The following SMAD2 variants were observed in gnomAD, a reference collection of about 807,000 sequenced individuals.
SMAD2 encodes MAD homolog 2.
Under a neutral mutation model 64.4 loss-of-function variants are expected in SMAD2, and 8 were observed. The observed-to-expected ratio is 0.12, with a 90% confidence interval of 0.07 to 0.22. The LOEUF is 0.22. Ranked by LOEUF, SMAD2 falls within the 10% of genes least tolerant of loss-of-function variation. SMAD2 has a pLI of 1.00. For missense variants in SMAD2, 289 were observed against 561.2 expected (o/e 0.51, Z 4.90); for synonymous variants, 203 against 195.8 (o/e 1.04, Z -0.31).
At chr18:47,922,255 T>C (rs1317155904) in intron 1 of SMAD2, among the ~76,000 whole-genome samples, 1 of 152,224 alleles carries the variant, frequency 6.6e-6, no homozygotes, top group African/African-American at 2.4e-5. Flanking sequence ...AAAAATACTT[T>C]AAATATGATG....
chr18:47,849,651 A>C (rs553080951), intron 7 of SMAD2, among the ~76,000 whole-genome samples: 1 of 152,276 alleles, frequency 6.6e-6, no homozygotes, highest in East Asian at 1.9e-4. Context: ...TACTTTAAAT[A>C]ATCTCTAGAT....
chr18:47,833,786 TG>T lies in SMAD2; in HGVS notation c.*8040del, dbSNP rs1444581000. 2 of 230,974 alleles carry T rather than the reference TG, an allele frequency of 8.7e-6. No homozygotes were observed. Among genetic ancestry groups the T allele is most frequent in the Non-Finnish European group, 1.7e-5 (2 of 116,534 alleles). The allele number at this position is 230,974 out of a possible 1,614,324, so 14.3% of individuals were successfully genotyped here. On this transcript the variant is annotated 3_prime_UTR_variant, in exon 11 of 11. Transcript: ENST00000262160. ...TTCTGGCTTCTCGAGCAGAACAGACTGGGAAATGCAGTAGACGCCAGAGCAT... is the reference window on the plus strand; with the variant it reads ...TTCTGGCTTCTCGAGCAGAACAGACTGGAAATGCAGTAGACGCCAGAGCAT...
chr18:47,859,458 A>T (rs1280375653), intron 6 of SMAD2, among the ~76,000 whole-genome samples: 1 of 152,200 alleles, frequency 6.6e-6, no homozygotes, highest in Non-Finnish European at 1.5e-5. Flanking sequence ...CAAGGACTAA[A>T]GTCACACACA....
intron 3 of SMAD2, among the ~76,000 whole-genome samples, chr18:47,869,918 GT>G (rs2031830122): frequency 1.3e-5 from 2 of 152,116 alleles, no homozygotes; most frequent in Admixed American, 6.6e-5. Context: ...AGTTGTGACT[GT>G]TTTGAGAACT....
chr18:47,879,109 C>T lies in SMAD2; in HGVS notation c.237-8545G>A, dbSNP rs770865088. 5.6e-4 allele frequency among the ~76,000 whole-genome samples: 85 copies of T among 152,170 alleles called. 1 individual carries two copies. Among genetic ancestry groups the T allele is most frequent in the Non-Finnish European group, 1.1e-3 (76 of 68,020 alleles). On this transcript the variant is annotated intron_variant, in intron 2 of 10. Coordinates refer to ENST00000262160, the MANE Select transcript of SMAD2 (RefSeq NM_005901.6). The stretch of plus-strand genomic sequence containing the variant: ...ACTCACTCCATCTTGAATGACAGAG[C>T]TAGACCCTGTCTCAGAGAGAAAAAT...
At chr18:47,886,729 A>G (rs879558221) in intron 2 of SMAD2, 7 of 154,180 alleles carry the variant, frequency 4.5e-5, no homozygotes, top group East Asian at 1.8e-4. Context: ...TCACAGTTTC[A>G]TAAGAGCACC....
chr18:47,829,592 A>G lies in SMAD2; in HGVS notation c.*12235T>C, dbSNP rs1225754728. On this transcript the variant is annotated 3_prime_UTR_variant, in exon 11 of 11. Coordinates refer to ENST00000262160, the MANE Select transcript of SMAD2 (RefSeq NM_005901.6). ...AGTAATCAATTAGGTATTCTAAAAG[A>G]AGGCAGTTTTCTAGGGGTTTATTTA... 2 of 146,494 alleles carry G rather than the reference A, an allele frequency of 1.4e-5. No individual in the cohort carries two copies. The highest frequency in any genetic ancestry group is 2.5e-5 in the African/African-American group (1 of 39,346). The allele number at this position is 146,494 out of a possible 1,614,324, so 9.1% of individuals were successfully genotyped here.
intron 1 of SMAD2, among the ~76,000 whole-genome samples, chr18:47,905,835 C>T (rs962912097): frequency 3.3e-5 from 5 of 152,030 alleles, no homozygotes; most frequent in Admixed American, 6.6e-5. Flanking sequence ...AGTTGAGCCA[C>T]GCATGGTGGC....
At position 47,825,148 on chromosome 18, in the gene SMAD2, G is replaced by A. The variant is rs1388727067; in HGVS notation, c.*16679C>T. 6.6e-6 allele frequency: 1 copy of A among 152,198 alleles called. No homozygotes were observed. Among genetic ancestry groups the A allele is most frequent in the African/African-American group, 2.4e-5 (1 of 41,436 alleles). The allele number at this position is 152,198 out of a possible 1,614,324, so 9.4% of individuals were successfully genotyped here. A position where few individuals can be genotyped will look rare whatever the true frequency, so the allele number is the denominator to read the frequency against. On this transcript the variant is annotated 3_prime_UTR_variant, in exon 11 of 11. Coordinates refer to ENST00000262160, the MANE Select transcript of SMAD2 (RefSeq NM_005901.6). ...GTTGTTGTGGGACCATTCAAGATGA[G>A]CGTGGGGAAGGGAAGCCCATTTAAA...
intron 1 of SMAD2, among the ~76,000 whole-genome samples, chr18:47,897,321 A>G (rs1158640152): frequency 6.6e-6 from 1 of 152,140 alleles, no homozygotes; most frequent in East Asian, 1.9e-4. Flanking sequence ...TAAACATGGC[A>G]AACAGAGTCC....
chr18:47,852,604 T>C (rs1245045946), intron 6 of SMAD2, among the ~76,000 whole-genome samples: 3 of 152,172 alleles, frequency 2.0e-5, no homozygotes, highest in Non-Finnish European at 4.4e-5. Context: ...CTTTAAAAGT[T>C]TGGTAGAATT....
At chr18:47,918,963 G>A (rs931052292) in intron 1 of SMAD2, among the ~76,000 whole-genome samples, 3 of 152,076 alleles carry the variant, frequency 2.0e-5, no homozygotes, top group Non-Finnish European at 4.4e-5. Context: ...TGAAAGATGG[G>A]AGTTTCTAGA....
chr18:47,929,907 TTA>T (rs1273254238), intron 1 of SMAD2, among the ~76,000 whole-genome samples: 1 of 151,874 alleles, frequency 6.6e-6, no homozygotes, highest in Non-Finnish European at 1.5e-5. Flanking sequence ...GATCACAGAG[TTA>T]TCAGCTGTGT....
At position 47,811,164 on chromosome 18, in the gene SMAD2, AG is replaced by A. The variant is rs1482414969; in HGVS notation, c.*30662del. ...AGATCTTATGGCCTGCCACACTGGA[AG>A]GCCTACTCTGATTTGAAAGAAGCTG... On this transcript the variant is annotated 3_prime_UTR_variant, in exon 11 of 11. Coordinates refer to ENST00000262160, the MANE Select transcript of SMAD2 (RefSeq NM_005901.6). 6.6e-6 allele frequency: 1 copy of A among 152,186 alleles called. No individual in the cohort carries two copies. Among genetic ancestry groups the A allele is most frequent in the African/African-American group, 2.4e-5 (1 of 41,424 alleles). The allele number at this position is 152,186 out of a possible 1,614,324, so 9.4% of individuals were successfully genotyped here.
At chr18:47,894,124 C>G (rs1327778671) in intron 2 of SMAD2, among the ~76,000 whole-genome samples, 1 of 152,202 alleles carries the variant, frequency 6.6e-6, no homozygotes, top group African/African-American at 2.4e-5. Flanking sequence ...AATTTTAGTA[C>G]TGCTGTACCT....
rs1192930373 is a variant in SMAD2 at position 47,817,710 on chromosome 18, T to G, written c.*24117A>C. 1.3e-5 allele frequency: 2 copies of G among 152,236 alleles called. No individual in the cohort carries two copies. Among genetic ancestry groups the G allele is most frequent in the African/African-American group, 4.8e-5 (2 of 41,462 alleles). 9.4% of individuals were successfully genotyped at this position (152,236 alleles called of 1,614,324 possible). A position where few individuals can be genotyped will look rare whatever the true frequency, so the allele number is the denominator to read the frequency against. ...ACTGGGTTAACACTTTTGGGAACAC[T>G]GATTTTGGTTTCGTTTCGATATGGT... On this transcript the variant is annotated 3_prime_UTR_variant, in exon 11 of 11. Transcript: ENST00000262160.
intron 2 of SMAD2, among the ~76,000 whole-genome samples, chr18:47,889,962 T>C (rs774677509): frequency 4.6e-5 from 7 of 152,174 alleles, no homozygotes; most frequent in Non-Finnish European, 1.0e-4. Flanking sequence ...TTGATTAATT[T>C]AGGTATAATT....
In SMAD2 at chr18:47,839,194, G is replaced by GA; in HGVS notation, c.*2632dup. The GA allele has an allele frequency of 4.3e-6, 1 of 233,310 alleles. No homozygotes were observed. The highest frequency in any genetic ancestry group is 6.0e-5 in the East Asian group (1 of 16,688). 14.5% of individuals were successfully genotyped at this position (233,310 alleles called of 1,614,324 possible). A position where few individuals can be genotyped will look rare whatever the true frequency, so the allele number is the denominator to read the frequency against. Reference sequence around the variant, plus strand: ...TTGAGTCCCAATTTCATACTGTACAGAAAAATCGCATCAGAACTGTAGAGA... The same window carrying GA: ...TTGAGTCCCAATTTCATACTGTACAGAAAAAATCGCATCAGAACTGTAGAGA... On this transcript the variant is annotated 3_prime_UTR_variant, in exon 11 of 11. Transcript: ENST00000262160.
At chr18:47,874,301 G>A (rs2032130425) in intron 2 of SMAD2, among the ~76,000 whole-genome samples, 1 of 152,060 alleles carries the variant, frequency 6.6e-6, no homozygotes. Flanking sequence ...ATCAAGAGAA[G>A]CTGAACACTA....
Sources: allele counts gnomAD v4.1 joint callset (sites outside exome capture counted in the v4.1 genomes callset), GRCh38; gene constraint gnomAD v4.1.1; transcripts MANE v1.5; gene names NCBI Gene and HGNC (gene_info 2026-07-23, HGNC 2026-07-21).